TENM4: variants seen among roughly 807,000 people sequenced by gnomAD.
The protein encoded by TENM4 is teneurin transmembrane protein 4, also known as teneurin-4.
A neutral mutation model predicts 243.3 loss-of-function variants in TENM4; 82 were observed. The ratio of observed to expected loss-of-function variants is 0.34; its 90% CI spans 0.28 to 0.40. TENM4 has a LOEUF of 0.40. Ranked by LOEUF, TENM4 falls within the 10% of genes least tolerant of loss-of-function variation. The pLI, the probability that TENM4 is intolerant of heterozygous loss-of-function variation, is 1.00. For missense variants in TENM4, 3,138 were observed against 3,673.3 expected (o/e 0.85, Z 3.77); for synonymous variants, 1,412 against 1,456.3 (o/e 0.97, Z 0.69).
chr11:79,216,830 A>G (rs533192980), intron 2 of TENM4, among the ~76,000 whole-genome samples: 9 of 152,294 alleles, frequency 5.9e-5, no homozygotes, highest in Non-Finnish European at 1.0e-4. Flanking sequence ...AGTCTGAGGC[A>G]TTCTGTTACA....
intron 3 of TENM4, among the ~76,000 whole-genome samples, chr11:79,179,565 C>A (rs1281908556): frequency 6.9e-6 from 1 of 145,532 alleles, no homozygotes; most frequent in Non-Finnish European, 1.6e-5. Flanking sequence ...GAACATCTCT[C>A]TCTTTTTAAT....
intron 4 of TENM4, among the ~76,000 whole-genome samples, chr11:79,076,964 G>A (rs569758182): frequency 7.9e-5 from 12 of 152,210 alleles, no homozygotes; most frequent in African/African-American, 2.9e-4. Flanking sequence ...TCTAGATCAC[G>A]TGGCTTCCAA....
intron 6 of TENM4, among the ~76,000 whole-genome samples, chr11:79,054,649 G>C (rs1445835107): frequency 6.6e-6 from 1 of 151,944 alleles, no homozygotes; most frequent in Non-Finnish European, 1.5e-5. Flanking sequence ...CATCATCCTT[G>C]GCTATTTTTT....
At chr11:79,012,619 A>T (rs1846974842) in intron 6 of TENM4, among the ~76,000 whole-genome samples, 2 of 152,182 alleles carry the variant, frequency 1.3e-5, no homozygotes, top group Admixed American at 1.3e-4. Context: ...AACATGAAGG[A>T]TTATAATTCT....
chr11:79,305,100 A>G (rs1425093017), intron 1 of TENM4, among the ~76,000 whole-genome samples: 2 of 152,234 alleles, frequency 1.3e-5, no homozygotes, highest in Non-Finnish European at 2.9e-5. Context: ...TTGATTGCTT[A>G]CTGTGAACGT....
At chr11:79,113,946 G>A (rs1466982686) in intron 4 of TENM4, among the ~76,000 whole-genome samples, 3 of 152,154 alleles carry the variant, frequency 2.0e-5, no homozygotes, top group African/African-American at 7.2e-5. Flanking sequence ...TTTCCCATGA[G>A]TTAAGGGAAT....
At chr11:78,810,017 G>A (rs1857464244) in intron 14 of TENM4, among the ~76,000 whole-genome samples, 1 of 151,992 alleles carries the variant, frequency 6.6e-6, no homozygotes, top group Non-Finnish European at 1.5e-5. Context: ...CTGCGTTCAA[G>A]CTTTAAAAAA....
intron 6 of TENM4, among the ~76,000 whole-genome samples, chr11:79,001,200 C>T (rs1858314645): frequency 6.6e-6 from 1 of 152,132 alleles, no homozygotes; most frequent in Non-Finnish European, 1.5e-5. Flanking sequence ...CAAACAGCTT[C>T]AAAGTAAAAG....
Position 79,184,596 on chromosome 11 carries a change from G to A in TENM4, c.-163+31212C>T, listed in dbSNP as rs181081364. Among the ~76,000 whole-genome samples the A allele has an allele frequency of 1.5e-4, 23 of 152,226 alleles. No individual in the cohort carries two copies. In the East Asian group the frequency reaches 4.4e-3, roughly 29 times the overall value. ...GAACTCCTAACCCAGGGGACATTATGCTAAGGGAAAGAAGCCAATCACAAA... is the reference window on the plus strand; with the variant it reads ...GAACTCCTAACCCAGGGGACATTATACTAAGGGAAAGAAGCCAATCACAAA... On this transcript the variant is annotated intron_variant, in intron 3 of 33. Transcript: ENST00000278550.
intron 12 of TENM4, among the ~76,000 whole-genome samples, chr11:78,817,494 G>A (rs76881023): frequency 6.6e-6 from 1 of 152,186 alleles, no homozygotes; most frequent in African/African-American, 2.4e-5. Context: ...TTAGGCTGGG[G>A]ACCTGAAGAT....
chr11:79,209,024 G>A (rs547426567), intron 3 of TENM4, among the ~76,000 whole-genome samples: 3 of 152,184 alleles, frequency 2.0e-5, no homozygotes, highest in East Asian at 1.9e-4. Context: ...GTGTGCAGCC[G>A]CAGGTGCAAT....
chr11:78,721,123 T>C (rs1859640195), intron 24 of TENM4, among the ~76,000 whole-genome samples: 1 of 152,144 alleles, frequency 6.6e-6, no homozygotes, highest in Admixed American at 6.5e-5. Context: ...CGAGGCGAGC[T>C]GATTTCCTCG....
intron 4 of TENM4, among the ~76,000 whole-genome samples, chr11:79,137,615 TGTAA>T (rs570821860): frequency 1.1e-3 from 172 of 152,320 alleles, no homozygotes; most frequent in African/African-American, 3.9e-3. Context: ...CTGTAATTGT[TGTAA>T]GTATTTCCTC....
chr11:78,830,856 A>G (rs959738251), intron 12 of TENM4, among the ~76,000 whole-genome samples: 1 of 152,192 alleles, frequency 6.6e-6, no homozygotes, highest in African/African-American at 2.4e-5. Flanking sequence ...CATTCATCCC[A>G]TCTAAACTTC....
intron 4 of TENM4, among the ~76,000 whole-genome samples, chr11:79,099,946 A>T (rs969460718): frequency 1.3e-5 from 2 of 152,174 alleles, no homozygotes; most frequent in Non-Finnish European, 2.9e-5. Context: ...TGCTGCCCCA[A>T]GTATGGGGAG....
At chr11:78,944,703 T>G (rs1261991783) in intron 6 of TENM4, among the ~76,000 whole-genome samples, 3 of 152,250 alleles carry the variant, frequency 2.0e-5, no homozygotes, top group African/African-American at 7.2e-5. Context: ...TCGGTACTAA[T>G]TGTAGCTCTG....
chr11:79,030,941 G>C (rs1177119352), intron 6 of TENM4, among the ~76,000 whole-genome samples: 1 of 152,172 alleles, frequency 6.6e-6, no homozygotes, highest in Non-Finnish European at 1.5e-5. Flanking sequence ...AAAAAGAGGA[G>C]CGAGACAGAG....
intron 4 of TENM4, among the ~76,000 whole-genome samples, chr11:79,075,827 C>A (rs1301391180): frequency 6.6e-6 from 1 of 152,216 alleles, no homozygotes; most frequent in Non-Finnish European, 1.5e-5. Flanking sequence ...CAAGCAAAAC[C>A]TGAGTACCAC....
At chr11:79,329,342 ATCT>A (rs1269705407) in intron 1 of TENM4, among the ~76,000 whole-genome samples, 22 of 152,176 alleles carry the variant, frequency 1.4e-4, no homozygotes, top group Admixed American at 1.4e-3. Context: ...TGCTGGGAAC[ATCT>A]TCTCTTGGAG....
Sources: allele counts gnomAD v4.1 joint callset (sites outside exome capture counted in the v4.1 genomes callset), GRCh38; gene constraint gnomAD v4.1.1; transcripts MANE v1.5; gene names NCBI Gene and HGNC (gene_info 2026-07-23, HGNC 2026-07-21).